NCK2: variants seen among roughly 807,000 people sequenced by gnomAD.
NCK2 encodes NCK adaptor protein 2.
Under a neutral mutation model 33.9 loss-of-function variants are expected in NCK2, and 16 were observed. The ratio of observed to expected loss-of-function variants is 0.47; its 90% CI spans 0.32 to 0.72. The LOEUF (loss-of-function observed/expected upper bound fraction) is 0.72, where lower values mean the gene tolerates loss of function less well. NCK2 is among the 30% of genes least tolerant of loss of function. The pLI, the probability that NCK2 is intolerant of heterozygous loss-of-function variation, is 0.03. For missense variants in NCK2, 418 were observed against 537.3 expected (o/e 0.78, Z 2.19); for synonymous variants, 273 against 239.9 (o/e 1.14, Z -1.27).
chr2:105,855,369 C>CAAAA (rs3832068), intron 3 of NCK2, 80 bp downstream of exon 3: 125 of 744,510 alleles, frequency 1.7e-4, no homozygotes, highest in Middle Eastern at 3.7e-4. Flanking sequence ...TTTGCTGTTT[C>CAAAA]AAAAAAAAAA....
intron 1 of NCK2, among the ~76,000 whole-genome samples, chr2:105,751,196 C>T (rs548407362): frequency 1.3e-5 from 2 of 152,272 alleles, no homozygotes; most frequent in Admixed American, 6.5e-5. Flanking sequence ...GCAACCTGCC[C>T]GCCTTCTCAG....
At chr2:105,839,563 C>A (rs1346417253) in intron 2 of NCK2, among the ~76,000 whole-genome samples, 2 of 152,086 alleles carry the variant, frequency 1.3e-5, no homozygotes, top group African/African-American at 4.8e-5. Context: ...GGGCAGACTG[C>A]GGGAGGCACA....
rs964498248 is a variant in NCK2 at position 105,747,585 on chromosome 2, G to A, written c.-201+2447G>A. Among the ~76,000 whole-genome samples, 3 of 152,218 alleles carry A rather than the reference G, an allele frequency of 2.0e-5. 1 individual carries two copies. Among genetic ancestry groups the A allele is most frequent in the South Asian group, 4.1e-4 (2 of 4,830 alleles). On this transcript the variant is annotated intron_variant, in intron 1 of 4. Coordinates refer to ENST00000233154, the MANE Select transcript of NCK2 (RefSeq NM_003581.5). Reference sequence around the variant, plus strand: ...CTGAAGAGCTCAGAATTGCTTGCTGGAACTACAGGGGAGGATGATGAGTGA... The same window carrying A: ...CTGAAGAGCTCAGAATTGCTTGCTGAAACTACAGGGGAGGATGATGAGTGA...
At chr2:105,775,756 C>T (rs1292413956) in intron 1 of NCK2, among the ~76,000 whole-genome samples, 2 of 152,094 alleles carry the variant, frequency 1.3e-5, no homozygotes, top group Non-Finnish European at 1.5e-5. Flanking sequence ...CACCACACCT[C>T]CCGGTGTGGT....
At chr2:105,776,238 C>A (rs905470087) in intron 1 of NCK2, among the ~76,000 whole-genome samples, 1 of 152,232 alleles carries the variant, frequency 6.6e-6, no homozygotes, top group African/African-American at 2.4e-5. Context: ...TCCGTCCCAG[C>A]GACAGAAACC....
At chr2:105,813,702 G>A (rs957684669) in intron 1 of NCK2, among the ~76,000 whole-genome samples, 2 of 152,244 alleles carry the variant, frequency 1.3e-5, no homozygotes, top group Admixed American at 1.3e-4. Flanking sequence ...CAACACTGCA[G>A]CTAAGTGCTG....
intron 4 of NCK2, among the ~76,000 whole-genome samples, chr2:105,890,984 A>C (rs1041339417): frequency 1.4e-4 from 21 of 152,172 alleles, no homozygotes; most frequent in Non-Finnish European, 2.5e-4. Flanking sequence ...CTGGTCTGGG[A>C]ATTCCAGGAA....
intron 1 of NCK2, among the ~76,000 whole-genome samples, chr2:105,750,670 A>G (rs948390356): frequency 6.6e-6 from 1 of 152,252 alleles, no homozygotes; most frequent in African/African-American, 2.4e-5. Flanking sequence ...GGTTTTAAGT[A>G]GAGTGATTGA....
At chr2:105,855,014 C>T (rs750532600) in intron 2 of NCK2, 34 bp from the exon 3 acceptor site, 11 of 1,530,480 alleles carry the variant, frequency 7.2e-6, no homozygotes, top group African/African-American at 1.4e-5. Flanking sequence ...CCGGGTAGTT[C>T]TCTAATGAGC....
At chr2:105,871,324 C>T (rs3754804) in intron 3 of NCK2, among the ~76,000 whole-genome samples, 9,079 of 151,736 alleles carry the variant, frequency 0.06, 488 homozygotes, top group East Asian at 0.17. Flanking sequence ...TCAGGCGCTG[C>T]GCCACGTTAT....
At chr2:105,765,260 T>A (rs1394058965) in intron 1 of NCK2, among the ~76,000 whole-genome samples, 1 of 152,236 alleles carries the variant, frequency 6.6e-6, no homozygotes, top group Non-Finnish European at 1.5e-5. Context: ...CTCAGAGTGA[T>A]GATAAAACAG....
intron 1 of NCK2, among the ~76,000 whole-genome samples, chr2:105,747,249 C>T (rs2104318188): frequency 6.6e-6 from 1 of 152,322 alleles, no homozygotes; most frequent in Middle Eastern, 3.4e-3. Flanking sequence ...CAACAAACAG[C>T]AGATCTTATG....
At chr2:105,756,967 G>A (rs1331626913) in intron 1 of NCK2, among the ~76,000 whole-genome samples, 2 of 152,032 alleles carry the variant, frequency 1.3e-5, no homozygotes, top group African/African-American at 2.4e-5. Context: ...CACCATGCCC[G>A]GCTGATTTTG....
intron 3 of NCK2, among the ~76,000 whole-genome samples, chr2:105,858,300 C>A (rs1677371808): frequency 6.6e-6 from 1 of 152,154 alleles, no homozygotes; most frequent in Non-Finnish European, 1.5e-5. Flanking sequence ...ACTCTGTTGC[C>A]TAGGCTGGAG....
rs576768587 is a variant in NCK2, at chr2:105,775,944, A to G, written c.-201+30806A>G. Among the ~76,000 whole-genome samples the G allele has an allele frequency of 3.0e-4, 46 of 152,198 alleles. 1 individual carries two copies. In the South Asian group the frequency reaches 9.3e-3, roughly 31 times the overall value. Reference sequence around the variant, plus strand: ...ACCAAAACAAAGCACCACCACCAACAAAAAAAACAGTGCGAGGGATAATTG... The same window carrying G: ...ACCAAAACAAAGCACCACCACCAACGAAAAAAACAGTGCGAGGGATAATTG... On this transcript the variant is annotated intron_variant, in intron 1 of 4. Transcript: ENST00000233154.
At chr2:105,835,091 G>A (rs1676341398) in intron 2 of NCK2, among the ~76,000 whole-genome samples, 1 of 151,638 alleles carries the variant, frequency 6.6e-6, no homozygotes, top group African/African-American at 2.4e-5. Flanking sequence ...GTTTTTCTTT[G>A]TGGTTTGCTG....
At chr2:105,889,700 T>C (rs1678893736) in intron 4 of NCK2, among the ~76,000 whole-genome samples, 1 of 151,750 alleles carries the variant, frequency 6.6e-6, no homozygotes, top group Non-Finnish European at 1.5e-5. Context: ...CCTCCCACCC[T>C]GGCCTCCCAA....
intron 1 of NCK2, among the ~76,000 whole-genome samples, chr2:105,815,857 G>T (rs1027663606): frequency 1.3e-5 from 2 of 152,266 alleles, no homozygotes; most frequent in Non-Finnish European, 2.9e-5. Context: ...TTTCCAATGG[G>T]CAGACTCCCT....
At chr2:105,851,514 C>T (rs1677068351) in intron 2 of NCK2, among the ~76,000 whole-genome samples, 1 of 152,120 alleles carries the variant, frequency 6.6e-6, no homozygotes, top group African/African-American at 2.4e-5. Flanking sequence ...GCCTGGGGCT[C>T]CCAAAGTGCT....
Sources: gnomAD v4.1 joint callset for allele counts (sites outside exome capture counted in the v4.1 genomes callset) on GRCh38, gnomAD v4.1.1 for gene constraint, MANE v1.5 for transcripts, NCBI Gene and HGNC (gene_info 2026-07-23, HGNC 2026-07-21) for gene names.